TTC39C: variants seen among roughly 807,000 people sequenced by gnomAD.
The protein encoded by TTC39C is tetratricopeptide repeat protein 39C.
In TTC39C, 33 loss-of-function variants were observed where a neutral mutation model predicts 76.3. The ratio of observed to expected loss-of-function variants is 0.43; its 90% CI spans 0.33 to 0.58. The LOEUF (loss-of-function observed/expected upper bound fraction) is 0.58, where lower values mean the gene tolerates loss of function less well. Ranked by LOEUF, TTC39C falls within the 20% of genes least tolerant of loss-of-function variation. TTC39C has a pLI of 0.04. For synonymous variants in TTC39C, 254 were observed against 260.6 expected (o/e 0.97, Z 0.24); for missense variants, 595 against 701.4 (o/e 0.85, Z 1.71).
intron 3 of TTC39C, among the ~76,000 whole-genome samples, chr18:24,066,500 T>C (rs2084167794): frequency 6.6e-6 from 1 of 152,200 alleles, no homozygotes. Context: ...GGAATTCAGC[T>C]GTTTACCTAA....
rs2085084940 is a variant in TTC39C, at chr18:24,128,882, T to C, written c.1421-4T>C. 1 of 1,612,196 alleles carries C rather than the reference T, an allele frequency of 6.2e-7. No individual in the cohort carries two copies. Among genetic ancestry groups the C allele is most frequent in the East Asian group, 2.2e-5 (1 of 44,804 alleles). On this transcript the variant is annotated splice_region_variant and splice_polypyrimidine_tract_variant and intron_variant, in intron 10 of 13. Coordinates refer to ENST00000317571, the MANE Select transcript of TTC39C (RefSeq NM_001135993.2). ...CTGCTCTGTTCACTCCCCTTCTTTT[T>C]AAGCTTGCCATGAAGTGGATGACTC...
intron 8 of TTC39C, among the ~76,000 whole-genome samples, chr18:24,122,885 A>G (rs556879166): frequency 6.6e-6 from 1 of 152,332 alleles, no homozygotes; most frequent in African/African-American, 2.4e-5. Flanking sequence ...GAGCCTTCTG[A>G]AAACCACTTT....
At chr18:24,050,754 C>T (rs766595381) in intron 1 of TTC39C, among the ~76,000 whole-genome samples, 24 of 151,578 alleles carry the variant, frequency 1.6e-4, no homozygotes, top group Non-Finnish European at 3.1e-4. Flanking sequence ...GCCTTGTAAT[C>T]CCAGCTATTC....
rs909744168 is a variant in TTC39C, at chr18:24,123,934, G to A, written c.1287G>A (p.Ser429=). 14 of 1,606,182 alleles carry A rather than the reference G, an allele frequency of 8.7e-6. No individual in the cohort carries two copies. The highest frequency in any genetic ancestry group is 9.3e-6 in the Non-Finnish European group (11 of 1,176,994). Residue 429 remains serine (S), a synonymous_variant, in exon 9 of 14, where the codon TCG becomes TCA. Coordinates refer to ENST00000317571, the MANE Select transcript of TTC39C (RefSeq NM_001135993.2). ...AAAACAATCAGATTGAACAGTTCTC[G>A]GTGAAAAAGGTATGTTGGAGCCTAT... is the stretch of plus-strand genomic sequence containing the variant. ...KRKNNQIEQF[S]VKKAERFRKQ...
intron 11 of TTC39C, among the ~76,000 whole-genome samples, chr18:24,130,043 C>G (rs182450352): frequency 6.6e-6 from 1 of 152,248 alleles, no homozygotes; most frequent in African/African-American, 2.4e-5. Flanking sequence ...AAGATGTTCT[C>G]AGTGATAAAA....
intron 6 of TTC39C, among the ~76,000 whole-genome samples, chr18:24,087,998 A>T (rs2145771151): frequency 6.6e-6 from 1 of 152,314 alleles, no homozygotes; most frequent in South Asian, 2.1e-4. Context: ...CTATTGCTGT[A>T]TGTCATTTCT....
intron 1 of TTC39C, among the ~76,000 whole-genome samples, chr18:24,009,112 AC>A (rs2083377035): frequency 6.6e-6 from 1 of 152,190 alleles, no homozygotes; most frequent in Non-Finnish European, 1.5e-5. Flanking sequence ...TGGGCTTAGA[AC>A]CTGGGTGATG....
intron 10 of TTC39C, 66 bp from the exon 11 acceptor site, chr18:24,128,820 C>A: frequency 2.3e-6 from 3 of 1,298,084 alleles, no homozygotes; most frequent in Non-Finnish European, 3.2e-6. Flanking sequence ...CCTCACTCTT[C>A]ATGATATTGA....
chr18:24,023,987 T>TACACAC (rs1249729701), intron 1 of TTC39C, among the ~76,000 whole-genome samples: 1 of 4,830 alleles, frequency 2.1e-4, no homozygotes, highest in African/African-American at 5.1e-4. Context: ...TATACATATA[T>TACACAC]ATATATATAT....
At chr18:24,019,948 G>A (rs1038039060) in intron 1 of TTC39C, 30 of 1,507,264 alleles carry the variant, frequency 2.0e-5, no homozygotes, top group Non-Finnish European at 2.1e-5. Flanking sequence ...GCAGGCCTCT[G>A]AGCCTCTTCT....
At chr18:24,003,343 C>T (rs1424843723) in intron 1 of TTC39C, among the ~76,000 whole-genome samples, 1 of 152,216 alleles carries the variant, frequency 6.6e-6, no homozygotes, top group Admixed American at 6.5e-5. Flanking sequence ...ATAACTCTAT[C>T]TTATGACCAT....
chr18:24,107,440 A>T (rs2084758507), intron 6 of TTC39C, among the ~76,000 whole-genome samples: 1 of 152,112 alleles, frequency 6.6e-6, no homozygotes, highest in Non-Finnish European at 1.5e-5. Context: ...TGGTTCCCAT[A>T]GTCCCCATGT....
At chr18:24,114,364 T>C (rs902526362) in intron 6 of TTC39C, 190 bp from the exon 7 acceptor site, 2 of 511,838 alleles carry the variant, frequency 3.9e-6, no homozygotes, top group Admixed American at 6.7e-5. Flanking sequence ...AGGTTCTCTG[T>C]GCTTAGGTTA....
Position 24,107,890 on chromosome 18 carries a change from G to T in TTC39C, c.985-6664G>T, listed in dbSNP as rs991011916. Reference sequence around the variant, plus strand: ...CCTCCCACCACAGCCTCCCAAGTAGGGGGGGGGGTACAGGCATGTGCCACC... The same window carrying T: ...CCTCCCACCACAGCCTCCCAAGTAGTGGGGGGGGTACAGGCATGTGCCACC... On this transcript the variant is annotated intron_variant, in intron 6 of 13. Coordinates refer to ENST00000317571, the MANE Select transcript of TTC39C (RefSeq NM_001135993.2). Among the ~76,000 whole-genome samples, 14 of 144,060 alleles carry T rather than the reference G, an allele frequency of 9.7e-5. No homozygotes were observed. In the South Asian group the frequency reaches 2.4e-3, roughly 25 times the overall value. The allele number at this position is 144,060 out of a possible 152,430, so 94.5% of individuals were successfully genotyped here. A position where few individuals can be genotyped will look rare whatever the true frequency, so the allele number is the denominator to read the frequency against.
In TTC39C at chr18:24,076,540, G is replaced by A. The variant is rs796331066; in HGVS notation, c.461-4045G>A. Among the ~76,000 whole-genome samples, 9 of 152,034 alleles carry A rather than the reference G, an allele frequency of 5.9e-5. 1 individual carries two copies. Among genetic ancestry groups the A allele is most frequent in the African/African-American group, 2.2e-4 (9 of 41,478 alleles). On this transcript the variant is annotated intron_variant, in intron 4 of 13. Transcript: ENST00000317571. ...GGTGCTGCATTCTCCCCCAGCCTCT[G>A]CCTCCTCCTGCTTGGCCTGGCTGTG...
intron 8 of TTC39C, among the ~76,000 whole-genome samples, chr18:24,118,835 T>C (rs911663913): frequency 1.3e-5 from 2 of 151,950 alleles, no homozygotes; most frequent in Non-Finnish European, 2.9e-5. Flanking sequence ...TAAAAAAAAT[T>C]TGTAGCAACA....
At chr18:24,070,824 C>T (rs2084229721) in intron 4 of TTC39C, among the ~76,000 whole-genome samples, 1 of 151,822 alleles carries the variant, frequency 6.6e-6, no homozygotes, top group Non-Finnish European at 1.5e-5. Flanking sequence ...GCCTGGGTGA[C>T]AGAGTGAGAC....
intron 1 of TTC39C, among the ~76,000 whole-genome samples, chr18:24,008,141 T>C (rs1195654052): frequency 3.9e-5 from 6 of 152,190 alleles, no homozygotes. Context: ...TCCTTTCCCC[T>C]CTGAGTCCAA....
intron 6 of TTC39C, among the ~76,000 whole-genome samples, chr18:24,085,319 G>A (rs763238454): frequency 1.3e-5 from 2 of 152,204 alleles, no homozygotes; most frequent in Non-Finnish European, 2.9e-5. Flanking sequence ...ATGAATGAAT[G>A]CTCTAAATTG....
Sources: allele counts gnomAD v4.1 joint callset (sites outside exome capture counted in the v4.1 genomes callset), GRCh38; gene constraint gnomAD v4.1.1; transcripts MANE v1.5; gene names NCBI Gene and HGNC (gene_info 2026-07-23, HGNC 2026-07-21).